RAB3C: variants seen among roughly 807,000 people sequenced by gnomAD.
RAB3C encodes RAB3C, member RAS oncogene family, also known as ras-related protein Rab-3C.
A neutral mutation model predicts 26.4 loss-of-function variants in RAB3C; 17 were observed. The ratio of observed to expected loss-of-function variants is 0.64; its 90% CI spans 0.44 to 0.97. The LOEUF (loss-of-function observed/expected upper bound fraction) is 0.97, where lower values mean the gene tolerates loss of function less well. Ranked by LOEUF, RAB3C falls within the 50% of genes least tolerant of loss-of-function variation. The pLI is 0.00. For synonymous variants in RAB3C, 91 were observed against 95.9 expected (o/e 0.95, Z 0.30); for missense variants, 242 against 281.9 (o/e 0.86, Z 1.01).
intron 2 of RAB3C, among the ~76,000 whole-genome samples, chr5:58,698,046 C>T (rs1441822366): frequency 2.0e-5 from 3 of 152,162 alleles, no homozygotes; most frequent in Non-Finnish European, 4.4e-5. Flanking sequence ...GATGTTTTTG[C>T]AGTGGCTGGT....
intron 4 of RAB3C, among the ~76,000 whole-genome samples, chr5:58,841,378 C>T (rs953503): frequency 0.21 from 31,526 of 152,102 alleles, 3,491 homozygotes; most frequent in Non-Finnish European, 0.26. Flanking sequence ...AGGCTCTGCA[C>T]AGCTGGGGTT....
intron 1 of RAB3C, among the ~76,000 whole-genome samples, chr5:58,616,110 C>A (rs751565853): frequency 3.9e-5 from 6 of 152,116 alleles, no homozygotes; most frequent in Middle Eastern, 3.2e-3. Flanking sequence ...CTTTTCCTCC[C>A]CCTACCCCAA....
chr5:58,833,853 G>A (rs1743674479), intron 4 of RAB3C, among the ~76,000 whole-genome samples: 1 of 152,148 alleles, frequency 6.6e-6, no homozygotes, highest in African/African-American at 2.4e-5. Flanking sequence ...ATCCACAAAT[G>A]ATCCATGAGG....
intron 2 of RAB3C, among the ~76,000 whole-genome samples, chr5:58,664,273 C>T (rs1403100810): frequency 6.6e-6 from 1 of 152,094 alleles, no homozygotes; most frequent in Non-Finnish European, 1.5e-5. Flanking sequence ...TCCATACTAT[C>T]GAATACAACT....
chr5:58,613,354 A>T (rs1350533471), intron 1 of RAB3C, among the ~76,000 whole-genome samples: 2 of 152,160 alleles, frequency 1.3e-5, no homozygotes, highest in Non-Finnish European at 2.9e-5. Context: ...CCGTAGATTT[A>T]TATATTCAAC....
At chr5:58,712,344 G>A (rs1749077856) in intron 2 of RAB3C, among the ~76,000 whole-genome samples, 1 of 152,062 alleles carries the variant, frequency 6.6e-6, no homozygotes, top group Admixed American at 6.6e-5. Context: ...GATATTTAAT[G>A]TTTGGTTGGT....
chr5:58,693,355 T>TATATATATATATACATATATAC (rs1332614160), intron 2 of RAB3C, among the ~76,000 whole-genome samples: 1 of 144,540 alleles, frequency 6.9e-6, no homozygotes, highest in African/African-American at 2.6e-5. Context: ...TATATATATA[T>TATATATATATATACATATATAC]ATATATAAAA....
intron 2 of RAB3C, among the ~76,000 whole-genome samples, chr5:58,683,196 G>A (rs1417674969): frequency 6.6e-6 from 1 of 152,038 alleles, no homozygotes; most frequent in African/African-American, 2.4e-5. Flanking sequence ...ATATCTCTTT[G>A]CATTAGCTAC....
At chr5:58,702,465 G>A (rs1358335858) in intron 2 of RAB3C, among the ~76,000 whole-genome samples, 1 of 152,070 alleles carries the variant, frequency 6.6e-6, no homozygotes, top group East Asian at 1.9e-4. Context: ...ACTTTCTTTA[G>A]AAAGACTCCA....
At position 58,672,092 on chromosome 5, in the gene RAB3C, T is replaced by C. The variant is rs138876650; in HGVS notation, c.253-53910T>C. On this transcript the variant is annotated intron_variant, in intron 2 of 4. Transcript: ENST00000282878. ...CTTTTAAGATGTCTCACTATAGAGC[T>C]TTCAAGAGGGGTTACTAACGAAAAC... Among the ~76,000 whole-genome samples the C allele has an allele frequency of 3.7e-4, 56 of 152,304 alleles. 1 individual carries two copies. The highest frequency in any genetic ancestry group is 2.5e-3 in the South Asian group (12 of 4,820).
At chr5:58,825,960 T>C (rs532464380) in intron 4 of RAB3C, among the ~76,000 whole-genome samples, 21 of 152,134 alleles carry the variant, frequency 1.4e-4, no homozygotes, top group Admixed American at 1.1e-3. Flanking sequence ...TTGCTCCCAA[T>C]CGAGTGGACA....
At chr5:58,628,156 CAAAA>C (rs58277302) in intron 2 of RAB3C, among the ~76,000 whole-genome samples, 86 of 71,458 alleles carry the variant, frequency 1.2e-3, no homozygotes, top group African/African-American at 4.2e-3. Context: ...GACTCCGTCT[CAAAA>C]AAAAAAAAAA....
In RAB3C at chr5:58,825,100, G is replaced by T. The variant is rs1743443153; in HGVS notation, c.434G>T (p.Cys145Phe). The change falls in exon 4 of 5, where the codon TGT becomes TTT. Residue 145 changes from cysteine (C) to phenylalanine (F), a missense_variant. Coordinates refer to ENST00000282878, the MANE Select transcript of RAB3C (RefSeq NM_138453.4). ...NAQVILVGNK[C>F]DMEDERVIST... ...CAAGTTATTCTGGTTGGGAACAAGT[G>T]TGACATGGAAGACGAGCGGGTCATC... 1.9e-6 allele frequency: 3 copies of T among 1,613,450 alleles called. No homozygotes were observed. The highest frequency in any genetic ancestry group is 2.5e-6 in the Non-Finnish European group (3 of 1,179,630).
intron 2 of RAB3C, among the ~76,000 whole-genome samples, chr5:58,631,147 GCAAAGGA>G (rs1296803725): frequency 1.3e-5 from 2 of 152,182 alleles, no homozygotes; most frequent in African/African-American, 4.8e-5. Flanking sequence ...AACAGCAAGT[GCAAAGGA>G]CTGGAAAATA....
At chr5:58,589,086 T>C (rs533475133) in intron 1 of RAB3C, among the ~76,000 whole-genome samples, 5 of 152,292 alleles carry the variant, frequency 3.3e-5, no homozygotes, top group Middle Eastern at 3.4e-3. Context: ...TTATTTATTA[T>C]ATTGAACAAA....
At chr5:58,756,699 G>A (rs1471853751) in intron 3 of RAB3C, among the ~76,000 whole-genome samples, 27 of 139,462 alleles carry the variant, frequency 1.9e-4, no homozygotes, top group African/African-American at 7.1e-4. Context: ...GTGATGTTTG[G>A]TTTTCTGTTC....
chr5:58,728,707 A>C (rs924814639), intron 3 of RAB3C, among the ~76,000 whole-genome samples: 1 of 152,034 alleles, frequency 6.6e-6, no homozygotes, highest in African/African-American at 2.4e-5. Context: ...CGTGAGATAC[A>C]CGGGCATATG....
Position 58,852,718 on chromosome 5 carries a change from A to G in RAB3C, c.*1367A>G, listed in dbSNP as rs1367036431. On this transcript the variant is annotated 3_prime_UTR_variant, in exon 5 of 5. Transcript: ENST00000282878. ...AATCCTACCAGCTGTACAGAGAGCA[A>G]CAGGGAAATTTGGCCTCTGTATCAC... The G allele has an allele frequency of 6.6e-6, 1 of 152,220 alleles. No individual in the cohort carries two copies. Among genetic ancestry groups the G allele is most frequent in the Non-Finnish European group, 1.5e-5 (1 of 68,034 alleles). The allele number at this position is 152,220 out of a possible 1,614,324, so 9.4% of individuals were successfully genotyped here.
At chr5:58,811,311 GA>G (rs1460010238) in intron 3 of RAB3C, among the ~76,000 whole-genome samples, 4 of 152,162 alleles carry the variant, frequency 2.6e-5, no homozygotes, top group African/African-American at 9.6e-5. Context: ...TGGCTCATTT[GA>G]AAAGCAATGT....
Sources: gnomAD v4.1 joint callset for allele counts (sites outside exome capture counted in the v4.1 genomes callset) on GRCh38, gnomAD v4.1.1 for gene constraint, MANE v1.5 for transcripts, NCBI Gene and HGNC (gene_info 2026-07-23, HGNC 2026-07-21) for gene names.